HMGCS1: variants seen among roughly 807,000 people sequenced by gnomAD.
HMGCS1 encodes 3-hydroxy-3-methylglutaryl-CoA synthase 1, also known as hydroxymethylglutaryl-CoA synthase, cytoplasmic.
Under a neutral mutation model 52.3 loss-of-function variants are expected in HMGCS1, and 9 were observed. The observed-to-expected ratio is 0.17, with a 90% CI of 0.10 to 0.30. The LOEUF is 0.30. Ranked by LOEUF, HMGCS1 falls within the 10% of genes least tolerant of loss-of-function variation. The pLI, the probability that HMGCS1 is intolerant of heterozygous loss-of-function variation, is 1.00. For synonymous variants in HMGCS1, 176 were observed against 214.4 expected, an observed-to-expected ratio of 0.82 and a Z score of 1.57; for missense variants, 320 against 620.9, an observed-to-expected ratio of 0.52 and a Z score of 5.15.
intron 2 of HMGCS1, among the ~76,000 whole-genome samples, chr5:43,300,970 T>C (rs908809549): frequency 1.3e-5 from 2 of 152,164 alleles, no homozygotes; most frequent in Admixed American, 6.5e-5. Context: ...ATATTCACTA[T>C]TTTATGGGAC....
intron 10 of HMGCS1, among the ~76,000 whole-genome samples, chr5:43,291,987 CTTTTTTTTTTTTT>C (rs537398917): frequency 1.2e-5 from 1 of 83,114 alleles, no homozygotes; most frequent in Non-Finnish European, 2.1e-5. Flanking sequence ...ACTGTATATT[CTTTTTTTTTTTTT>C]TTTTTTTTTT....
rs201775063 is a variant in HMGCS1 at position 43,292,953 on chromosome 5, T to C, written c.1204A>G (p.Thr402Ala). 4 of 1,603,172 alleles carry C rather than the reference T, an allele frequency of 2.5e-6. No homozygotes were observed. Among genetic ancestry groups the C allele is most frequent in the Non-Finnish European group, 3.4e-6 (4 of 1,176,696 alleles). ...GATTTAAGATCACATAAACTTGCTG[T>C]TATTTTATCAAGAGCAGACCCTAAA... ...ATPGSALDKI[T>A]ASLCDLKSRL... is the part of the protein sequence containing the mutation. The change falls in exon 9 of 11, where the codon ACA (threonine) becomes GCA (alanine). Residue 402 changes from threonine to alanine, a missense_variant. Thr to Ala is a moderately conservative substitution (Grantham distance 58). This residue lies in a region of HMGCS1 where 213 missense variants were observed against 337.4 expected (regional missense o/e 0.63). Transcript: ENST00000325110.
chr5:43,299,482 T>C (rs1395237686), intron 2 of HMGCS1, among the ~76,000 whole-genome samples: 3 of 151,400 alleles, frequency 2.0e-5, no homozygotes, highest in African/African-American at 7.3e-5. Flanking sequence ...ACCCCGTCTC[T>C]ACTAAAAATA....
At position 43,292,985 on chromosome 5, in the gene HMGCS1, AAT is replaced by A; in HGVS notation, c.1184-14_1184-13del. On this transcript the variant is annotated splice_polypyrimidine_tract_variant and intron_variant, in intron 8 of 10. Coordinates refer to ENST00000325110, the MANE Select transcript of HMGCS1 (RefSeq NM_001098272.3). Reference sequence around the variant, plus strand: ...ATCAAGAGCAGACCCTAAAATAGTGAATAATTCAACATTAAAAGATTTTTTTG... The same window carrying A: ...ATCAAGAGCAGACCCTAAAATAGTGAAATTCAACATTAAAAGATTTTTTTG... The A allele has an allele frequency of 6.4e-7, 1 of 1,569,950 alleles. No homozygotes were observed. Among genetic ancestry groups the A allele is most frequent in the East Asian group, 2.3e-5 (1 of 43,984 alleles).
At position 43,291,079 on chromosome 5, in the gene HMGCS1, A is replaced by ACCCCCACCCCCAGCCCC; in HGVS notation, c.*51_*52insGGGGCTGGGGGTGGGGG. ...ATCCCATTCCTCCAACTGTTCCCAT[A>ACCCCCACCCCCAGCCCC]CCCCCACCCCATGCCCACCCCACCC... On this transcript the variant is annotated 3_prime_UTR_variant, in exon 11 of 11. Transcript: ENST00000325110. 2 of 780,104 alleles carry ACCCCCACCCCCAGCCCC rather than the reference A, an allele frequency of 2.6e-6. No homozygotes were observed. The highest frequency in any genetic ancestry group is 1.7e-5 in the African/African-American group (1 of 58,360). 48.3% of individuals were successfully genotyped at this position (780,104 alleles called of 1,614,324 possible).
intron 7 of HMGCS1, 188 bp from the exon 8 acceptor site, chr5:43,294,350 T>C (rs1471655722): frequency 3.7e-6 from 2 of 536,308 alleles, no homozygotes; most frequent in East Asian, 3.1e-5. Flanking sequence ...TATTGCAGCA[T>C]GTGAGTTTTC....
At chr5:43,292,676 T>C (rs1346594297) in intron 9 of HMGCS1, 39 bp from the exon 10 acceptor site, 1 of 1,566,010 alleles carries the variant, frequency 6.4e-7, no homozygotes, top group East Asian at 2.2e-5. Context: ...TTAGTTATGA[T>C]ATACAATTCA....
intron 1 of HMGCS1, among the ~76,000 whole-genome samples, chr5:43,310,689 T>G (rs1277356957): frequency 6.6e-6 from 1 of 152,198 alleles, no homozygotes; most frequent in Non-Finnish European, 1.5e-5. Context: ...CTATATGTAG[T>G]GTGTCCAGAG....
At position 43,298,601 on chromosome 5, in the gene HMGCS1, C is replaced by T; in HGVS notation, c.365G>A (p.Gly122Glu). The change falls in exon 3 of 11, where the codon GGA (glycine) becomes GAA (glutamate). Residue 122 changes from glycine (G) to glutamate (E), a missense_variant. By Grantham distance (98) the Gly-to-Glu change is moderately conservative. Around this residue, in one of 3 missense-constraint regions of HMGCS1, gnomAD observed 85 missense variants for 260.0 expected, o/e 0.33. Transcript: ENST00000325110. This position sits in a 1 kb window ranked among gnomAD's most constrained non-coding sequence, Gnocchi z 5.6. ...ATAGCATGCATTAGTTGTGTCGATT[C>T]CTTCTATATCTGTATTCCCAGACTC... Reference protein sequence around the residue: ...FEESGNTDIEGIDTTNACYGG... With the variant: ...FEESGNTDIEEIDTTNACYGG... The T allele has an allele frequency of 6.2e-7, 1 of 1,614,134 alleles. No homozygotes were observed. Among genetic ancestry groups the T allele is most frequent in the South Asian group, 1.1e-5 (1 of 91,074 alleles).
chr5:43,298,118 T>C lies in HMGCS1; in HGVS notation c.465A>G (p.Val155=), dbSNP rs776129153. The C allele has an allele frequency of 1.9e-6, 3 of 1,608,866 alleles. No individual in the cohort carries two copies. The highest frequency in any genetic ancestry group is 2.5e-6 in the Non-Finnish European group (3 of 1,178,480). ...CATATACAGCAATATCTCCTGCAACTACCAGGGCATACCGTCCTGAAAAAT... is the reference window on the plus strand; with the variant it reads ...CATATACAGCAATATCTCCTGCAACCACCAGGGCATACCGTCCTGAAAAAT... ...SSSWDGRYAL[V]VAGDIAVYAT... is the part of the protein sequence containing the mutation. The change falls in exon 4 of 11, where the codon GTA becomes GTG. Residue 155 remains valine, a synonymous_variant. Transcript: ENST00000325110. This position sits in a 1 kb window ranked among gnomAD's most constrained non-coding sequence, Gnocchi z 5.6.
intron 2 of HMGCS1, among the ~76,000 whole-genome samples, chr5:43,299,685 C>T (rs1265953811): frequency 6.6e-6 from 1 of 151,082 alleles, no homozygotes; most frequent in African/African-American, 2.4e-5. Flanking sequence ...ATCAATCAAT[C>T]AATCAATCAA....
chr5:43,288,320 C>T lies in HMGCS1; in HGVS notation c.*2811G>A, dbSNP rs1254101905. On this transcript the variant is annotated 3_prime_UTR_variant, in exon 11 of 11. Transcript: ENST00000325110. ...TACCAGCAAAGAAAAAATGAGGAACCTATGACTTAAGAGCAGTTGCTAGAA... is the reference window on the plus strand; with the variant it reads ...TACCAGCAAAGAAAAAATGAGGAACTTATGACTTAAGAGCAGTTGCTAGAA... The T allele has an allele frequency of 6.6e-6, 1 of 152,100 alleles. No individual in the cohort carries two copies. The highest frequency in any genetic ancestry group is 1.5e-5 in the Non-Finnish European group (1 of 68,006). 9.4% of individuals were successfully genotyped at this position (152,100 alleles called of 1,614,324 possible).
At chr5:43,292,766 G>A (rs1438170181) in intron 9 of HMGCS1, 82 bp downstream of exon 9, 3 of 1,530,568 alleles carry the variant, frequency 2.0e-6, no homozygotes, top group Middle Eastern at 2.3e-4. Flanking sequence ...GTAAAGTCTT[G>A]ATATCCTTAT....
chr5:43,308,074 T>C (rs1466027942), intron 1 of HMGCS1, among the ~76,000 whole-genome samples: 1 of 152,180 alleles, frequency 6.6e-6, no homozygotes, highest in East Asian at 1.9e-4. Context: ...AGCCTACTAT[T>C]GCAGGAAGGA....
At chr5:43,306,273 A>G (rs1302120273) in intron 2 of HMGCS1, among the ~76,000 whole-genome samples, 1 of 152,208 alleles carries the variant, frequency 6.6e-6, no homozygotes, top group African/African-American at 2.4e-5. Flanking sequence ...TTCTGAGAAT[A>G]AATCTGGAAA....
chr5:43,311,837 G>A (rs1202251674), intron 1 of HMGCS1, among the ~76,000 whole-genome samples: 1 of 152,172 alleles, frequency 6.6e-6, no homozygotes, highest in East Asian at 1.9e-4. Context: ...CCTCCCCACA[G>A]CGTAAGTCAG....
chr5:43,298,191 G>A lies in HMGCS1; in HGVS notation c.449-57C>T, dbSNP rs2111669951. On this transcript the variant is annotated intron_variant, in intron 3 of 10. Coordinates refer to ENST00000325110, the MANE Select transcript of HMGCS1 (RefSeq NM_001098272.3). This position sits in a 1 kb window ranked among gnomAD's most constrained non-coding sequence, Gnocchi z 5.6. ...GGAATTCAACACTATAACCAAACAT[G>A]GAAACTGAAGTCTGTTATATTTTCC... 3 of 1,413,682 alleles carry A rather than the reference G, an allele frequency of 2.1e-6. No individual in the cohort carries two copies. Among genetic ancestry groups the A allele is most frequent in the Non-Finnish European group, 2.9e-6 (3 of 1,024,774 alleles). 87.6% of individuals were successfully genotyped at this position (1,413,682 alleles called of 1,614,324 possible).
At chr5:43,308,406 C>T (rs144875105) in intron 1 of HMGCS1, among the ~76,000 whole-genome samples, 390 of 152,226 alleles carry the variant, frequency 2.6e-3, no homozygotes, top group Non-Finnish European at 4.5e-3. Flanking sequence ...CTGACTATTA[C>T]CTTAGTTCTT....
intron 1 of HMGCS1, among the ~76,000 whole-genome samples, chr5:43,311,034 T>A (rs961867542): frequency 1.1e-4 from 17 of 151,924 alleles, no homozygotes; most frequent in African/African-American, 3.9e-4. Context: ...AGATTAAGAG[T>A]CTAGTTCTAG....
Sources: allele counts gnomAD v4.1 joint callset (sites outside exome capture counted in the v4.1 genomes callset), GRCh38; gene constraint gnomAD v4.1.1; regional missense constraint gnomAD v4.1.1; non-coding constraint Gnocchi (gnomAD v3.1); transcripts MANE v1.5; gene names NCBI Gene and HGNC (gene_info 2026-07-23, HGNC 2026-07-21).